CYP2A6: variants seen among roughly 807,000 people sequenced by gnomAD.
The protein encoded by CYP2A6 is cytochrome P450 family 2 subfamily A member 6, also known as cytochrome P450 2A6.
A neutral mutation model predicts 42.3 loss-of-function variants in CYP2A6; 27 were observed. The observed-to-expected ratio is 0.64, with a 90% CI of 0.47 to 0.88. The LOEUF is 0.88. Ranked by LOEUF, CYP2A6 falls within the 40% of genes least tolerant of loss-of-function variation. The pLI is 0.00. For synonymous variants in CYP2A6, 238 were observed against 246.3 expected (o/e 0.97, Z 0.31); for missense variants, 628 against 646.0 (o/e 0.97, Z 0.30).
chr19:40,849,830 A>G lies in CYP2A6; in HGVS notation c.331T>C (p.Phe111Leu). ...RGEQATFDWV[F>L]KGYGVVFSNG... ...GGCACCCCCTCACCATAGCCTTTGA[A>G]GACCCAGTCGAAGGTGGCTTGCTCG... Residue 111 changes from phenylalanine to leucine, a missense_variant, in exon 2 of 9, where the codon TTC becomes CTC. By Grantham distance (22) the Phe-to-Leu change is conservative (BLOSUM62 0). Around this residue, in one of 2 missense-constraint regions of CYP2A6, gnomAD observed 606 missense variants for 568.1 expected, o/e 1.07. Transcript: ENST00000301141. The G allele has an allele frequency of 1.9e-6, 3 of 1,610,680 alleles. No homozygotes were observed. The highest frequency in any genetic ancestry group is 2.5e-6 in the Non-Finnish European group (3 of 1,179,698).
In CYP2A6 at chr19:40,850,296, C is replaced by G. The variant is rs144279119; in HGVS notation, c.131G>C (p.Gly44Ala). 3 of 1,610,008 alleles carry G rather than the reference C, an allele frequency of 1.9e-6. No individual in the cohort carries two copies. The African/African-American group carries it at 4.0e-5, about 22-fold the overall frequency. ...PPGPTPLPFIGNYLQLNTEQM... is the reference protein window; with the variant it reads ...PPGPTPLPFIANYLQLNTEQM... ...CTCTGTGTTCAGCTGCAGGTAGTTTCCAATGAAGGGCAATGGGGTGGGTCC... is the reference window on the plus strand; with the variant it reads ...CTCTGTGTTCAGCTGCAGGTAGTTTGCAATGAAGGGCAATGGGGTGGGTCC... Residue 44 changes from glycine to alanine, a missense_variant, in exon 1 of 9, where the codon GGA becomes GCA. By Grantham distance (60) the Gly-to-Ala change is moderately conservative. Around this residue, in one of 2 missense-constraint regions of CYP2A6, gnomAD observed 606 missense variants for 568.1 expected, o/e 1.07. Transcript: ENST00000301141.
At chr19:40,844,836 G>A (rs1643557009) in intron 7 of CYP2A6, 64 bp from the exon 8 acceptor site, 6 of 1,554,586 alleles carry the variant, frequency 3.9e-6, no homozygotes, top group Non-Finnish European at 5.2e-6. Flanking sequence ...AGTACACAGG[G>A]GCTGGAGGGG....
intron 8 of CYP2A6, among the ~76,000 whole-genome samples, 187 bp downstream of exon 8, chr19:40,844,444 A>AT (rs1415524835): frequency 1.3e-5 from 2 of 151,208 alleles, no homozygotes; most frequent in Admixed American, 1.3e-4. Context: ...GTTTCCTTTC[A>AT]TTTTACCTGG....
intron 7 of CYP2A6, chr19:40,845,018 A>C (rs2083448600): frequency 3.1e-6 from 2 of 654,008 alleles, no homozygotes; most frequent in Non-Finnish European, 5.1e-6. Flanking sequence ...TTCTGTCCCT[A>C]TGACAAAAGG....
intron 1 of CYP2A6, 97 bp from the exon 2 acceptor site, chr19:40,850,077 G>C: frequency 6.4e-7 from 1 of 1,551,692 alleles, no homozygotes; most frequent in South Asian, 1.2e-5. Context: ...TCGCACCCAG[G>C]TTCTCACAGT....
Position 40,845,264 on chromosome 19 carries a change from C to G in CYP2A6, c.1161+30G>C, listed in dbSNP as rs4803380. On this transcript the variant is annotated intron_variant, in intron 7 of 8. Transcript: ENST00000301141. ...GACACAGAGAGGGGCTGGAAGTCCC[C>G]GTAGTCTGGGGGGTGGGGGCGGATA... 7.5e-6 allele frequency: 12 copies of G among 1,610,160 alleles called. 1 individual carries two copies.
rs755365845 is a variant in CYP2A6 at position 40,844,631 on chromosome 19, C to G, written c.1303G>C (p.Gly435Arg). ...CTGGCAGCAAACAGTGGTCTCTTACCGATGGAAAAGGGCACAAAAGCATCA... is the reference window on the plus strand; with the variant it reads ...CTGGCAGCAAACAGTGGTCTCTTACGGATGGAAAAGGGCACAAAAGCATCA... The part of the protein sequence containing the change: ...KSDAFVPFSI[G>R]KRNCFGEGLA... Residue 435 changes from glycine (G) to arginine (R), a missense_variant and splice_region_variant, in exon 8 of 9, where the codon GGA (glycine) becomes CGA (arginine). By Grantham distance (125) the Gly-to-Arg change is moderately radical (BLOSUM62 -2). Coordinates refer to ENST00000301141, the MANE Select transcript of CYP2A6 (RefSeq NM_000762.6). The G allele has an allele frequency of 1.7e-5, 28 of 1,611,412 alleles. 1 individual carries two copies. In the South Asian group the frequency reaches 2.8e-4, roughly 16 times the overall value.
chr19:40,846,098 C>T lies in CYP2A6; in HGVS notation c.832-1G>A, dbSNP rs772364451. The T allele has an allele frequency of 4.3e-6, 7 of 1,611,458 alleles. No individual in the cohort carries two copies. Among genetic ancestry groups the T allele is most frequent in the Non-Finnish European group, 4.2e-6 (5 of 1,179,774 alleles). Reference sequence around the variant, plus strand: ...ACTCCGTGTTGGGGTTCTTCTCCTCCTGCAGGGAGAGGGGGCTTTAGGCCA... The same window carrying T: ...ACTCCGTGTTGGGGTTCTTCTCCTCTTGCAGGGAGAGGGGGCTTTAGGCCA... On this transcript the variant is annotated splice_acceptor_variant, in intron 5 of 8. Coordinates refer to ENST00000301141, the MANE Select transcript of CYP2A6 (RefSeq NM_000762.6). LOFTEE classifies it high-confidence loss of function.
chr19:40,848,599 G>A lies in CYP2A6; in HGVS notation c.493+15C>T. On this transcript the variant is annotated intron_variant, in intron 3 of 8. Coordinates refer to ENST00000301141, the MANE Select transcript of CYP2A6 (RefSeq NM_000762.6). ...TTTCCTTCTCCTGCCCCCGCACTCG[G>A]GGTCCCCTGCTCACCGCCAGTGCCC... 1 of 1,608,824 alleles carries A rather than the reference G, an allele frequency of 6.2e-7. No homozygotes were observed. The highest frequency in any genetic ancestry group is 8.5e-7 in the Non-Finnish European group (1 of 1,177,662).
Position 40,849,350 on chromosome 19 carries a change from G to A in CYP2A6, c.343+468C>T, listed in dbSNP as rs933310698. Among the ~76,000 whole-genome samples, 3 of 151,356 alleles carry A rather than the reference G, an allele frequency of 2.0e-5. 1 individual carries two copies. Among genetic ancestry groups the A allele is most frequent in the African/African-American group, 7.3e-5 (3 of 41,112 alleles). ...TTGAGATAGAAACAGAGAGGGTCTGGAAGGAAGAGAGACTGTTACCAGGAG... is the reference window on the plus strand; with the variant it reads ...TTGAGATAGAAACAGAGAGGGTCTGAAAGGAAGAGAGACTGTTACCAGGAG... On this transcript the variant is annotated intron_variant, in intron 2 of 8. Coordinates refer to ENST00000301141, the MANE Select transcript of CYP2A6 (RefSeq NM_000762.6).
At chr19:40,847,284 T>C (rs1967117671) in intron 4 of CYP2A6, among the ~76,000 whole-genome samples, 1 of 151,400 alleles carries the variant, frequency 6.6e-6, no homozygotes, top group South Asian at 2.1e-4. Flanking sequence ...TATATCCAGG[T>C]TTCAGGTATT....
chr19:40,846,037 G>A lies in CYP2A6; in HGVS notation c.892C>T (p.Leu298Phe). ...LKNLVMTTLN[L>F]FIGGTETVST... ...ACGGTCTCGGTGCCCCCAATGAAGA[G>A]GTTCAACGTGGTCATCACCAGGTTT... Residue 298 changes from leucine to phenylalanine, a missense_variant, in exon 6 of 9, where the codon CTC becomes TTC. By Grantham distance (22) the Leu-to-Phe change is conservative. Around this residue, in one of 2 missense-constraint regions of CYP2A6, gnomAD observed 606 missense variants for 568.1 expected, o/e 1.07. Coordinates refer to ENST00000301141, the MANE Select transcript of CYP2A6 (RefSeq NM_000762.6). 1.2e-6 allele frequency: 2 copies of A among 1,611,606 alleles called. No individual in the cohort carries two copies. The highest frequency in any genetic ancestry group is 2.7e-5 in the African/African-American group (2 of 74,668).
At chr19:40,847,165 C>A (rs974996192) in intron 4 of CYP2A6, 114 bp from the exon 5 acceptor site, 40 of 1,463,254 alleles carry the variant, frequency 2.7e-5, no homozygotes, top group Non-Finnish European at 3.4e-5. Flanking sequence ...GCATCTGTCT[C>A]GTTGTTTAGG....
At position 40,844,534 on chromosome 19, in the gene CYP2A6, T is replaced by G. The variant is rs534270874; in HGVS notation, c.1303+97A>C. 4,763 of 1,599,088 alleles carry G rather than the reference T, an allele frequency of 3.0e-3. 54 individuals are homozygous for G. Among genetic ancestry groups the G allele is most frequent in the Non-Finnish European group, 3.5e-3 (4,120 of 1,171,964 alleles). On this transcript the variant is annotated intron_variant, in intron 8 of 8. Transcript: ENST00000301141. ...TAGATTCTAACAGGAACTTCCAAGCTGGAGAAATACCAGGCTACACCGCAG... is the reference window on the plus strand; with the variant it reads ...TAGATTCTAACAGGAACTTCCAAGCGGGAGAAATACCAGGCTACACCGCAG...
rs28399454 is a variant in CYP2A6 at position 40,845,362 on chromosome 19, C to T, written c.1093G>A (p.Val365Met). The T allele has an allele frequency of 5.6e-3, 9,049 of 1,611,520 alleles. 589 individuals carry two copies. In the African/African-American group the frequency reaches 0.1, roughly 18 times the overall value. Reference sequence around the variant, plus strand: ...CTGCGGGCCAAACTCATGGGGATCACGTCTCCAAATCTTTGGATCTCGTGG... The same window carrying T: ...CTGCGGGCCAAACTCATGGGGATCATGTCTCCAAATCTTTGGATCTCGTGG... The part of the protein sequence containing the change: ...VIHEIQRFGD[V>M]IPMSLARRVK... The change falls in exon 7 of 9, where the codon GTG (valine) becomes ATG (methionine). Residue 365 changes from valine (V) to methionine (M), a missense_variant. This residue lies in a region of CYP2A6 where 606 missense variants were observed against 568.1 expected (regional missense o/e 1.07). Transcript: ENST00000301141.
Position 40,850,361 on chromosome 19 carries a change from A to G in CYP2A6, c.66T>C (p.Ser22=), listed in dbSNP as rs1459818458. 1.2e-6 allele frequency: 2 copies of G among 1,610,146 alleles called. No homozygotes were observed. Among genetic ancestry groups the G allele is most frequent in the African/African-American group, 2.7e-5 (2 of 74,590 alleles). Residue 22 remains serine, a synonymous_variant, in exon 1 of 9, where the codon TCT becomes TCC. Transcript: ENST00000301141. ...CCTTGCTCTTCCTCTGCTGCCAAAC[A>G]GACATCAAGACCATTACAGTCAGGC... ...LVCLTVMVLM[S]VWQQRKSKGK...
At chr19:40,847,572 T>C (rs1047974535) in intron 4 of CYP2A6, among the ~76,000 whole-genome samples, 2 of 151,572 alleles carry the variant, frequency 1.3e-5, no homozygotes, top group Non-Finnish European at 2.9e-5. Context: ...GGTGTTTACC[T>C]ATCCAAGTGG....
In CYP2A6 at chr19:40,846,026, C is replaced by G; in HGVS notation, c.903G>C (p.Gly301=). 6.2e-7 allele frequency: 1 copy of G among 1,611,502 alleles called. No individual in the cohort carries two copies. The change falls in exon 6 of 9, where the codon GGG becomes GGC. Residue 301 remains glycine (G), a synonymous_variant. Coordinates refer to ENST00000301141, the MANE Select transcript of CYP2A6 (RefSeq NM_000762.6). ...LVMTTLNLFI[G]GTETVSTTLR... ...GGGTGGTGCTGACGGTCTCGGTGCCCCCAATGAAGAGGTTCAACGTGGTCA... is the reference window on the plus strand; with the variant it reads ...GGGTGGTGCTGACGGTCTCGGTGCCGCCAATGAAGAGGTTCAACGTGGTCA...
chr19:40,848,311 C>A lies in CYP2A6; in HGVS notation c.562G>T (p.Gly188Trp), dbSNP rs2145124041. The A allele has an allele frequency of 6.2e-7, 1 of 1,611,790 alleles. No homozygotes were observed. Among genetic ancestry groups the A allele is most frequent in the Non-Finnish European group, 8.5e-7 (1 of 1,179,932 alleles). The stretch of plus-strand genomic sequence containing the variant: ...TTGTCCTTATAGTCAAAGCGGTCCC[C>A]AAAGACAATGGAGCTGATGACATTG... ...VSNVISSIVF[G>W]DRFDYKDKEF... is the part of the protein sequence containing the mutation. Residue 188 changes from glycine to tryptophan, a missense_variant, in exon 4 of 9, where the codon GGG becomes TGG. Transcript: ENST00000301141.
Sources: allele counts gnomAD v4.1 joint callset (sites outside exome capture counted in the v4.1 genomes callset), GRCh38; gene constraint gnomAD v4.1.1; regional missense constraint gnomAD v4.1.1; transcripts MANE v1.5; gene names NCBI Gene and HGNC (gene_info 2026-07-23, HGNC 2026-07-21).